GBF1: variants seen among roughly 807,000 people sequenced by gnomAD.
GBF1 encodes the protein Golgi-specific brefeldin A-resistance guanine nucleotide exchange factor 1.
A neutral mutation model predicts 210.5 loss-of-function variants in GBF1; 114 were observed. That is an observed-to-expected ratio of 0.54 (90% CI 0.47 to 0.63). The LOEUF is 0.63. Ranked by LOEUF, GBF1 falls within the 30% of genes least tolerant of loss-of-function variation. The pLI is 0.00. For synonymous variants in GBF1, 850 were observed against 889.2 expected, an observed-to-expected ratio of 0.96 and a Z score of 0.78; for missense variants, 1,851 against 2,357.7, an observed-to-expected ratio of 0.79 and a Z score of 4.45.
intron 3 of GBF1, among the ~76,000 whole-genome samples, chr10:102,304,265 T>G (rs1208536487): frequency 6.6e-6 from 1 of 152,222 alleles, no homozygotes; most frequent in Non-Finnish European, 1.5e-5. Context: ...ACTTGTTTTA[T>G]AGCTAAAGAG....
intron 3 of GBF1, among the ~76,000 whole-genome samples, chr10:102,312,604 A>G (rs113541549): frequency 1.3e-5 from 2 of 152,226 alleles, no homozygotes; most frequent in Non-Finnish European, 2.9e-5. Context: ...GCTGTCGTCT[A>G]TGCAGGTTAA....
chr10:102,259,196 A>T (rs1296486334), intron 2 of GBF1, among the ~76,000 whole-genome samples, 162 bp downstream of exon 2: 1 of 152,190 alleles, frequency 6.6e-6, no homozygotes, highest in Non-Finnish European at 1.5e-5. Flanking sequence ...CATCAGATAT[A>T]TAGGCTATCT....
At chr10:102,353,548 G>A in intron 7 of GBF1, 52 bp from the exon 8 acceptor site, 1 of 1,245,044 alleles carries the variant, frequency 8.0e-7, no homozygotes, top group Non-Finnish European at 1.2e-6. Flanking sequence ...GGCATGGAGG[G>A]AGACATTTGT....
Position 102,366,380 on chromosome 10 carries a change from T to C in GBF1, c.2310-3T>C, listed in dbSNP as rs766816587. 4.0e-5 allele frequency: 65 copies of C among 1,613,890 alleles called. No individual in the cohort carries two copies. Among genetic ancestry groups the C allele is most frequent in the Non-Finnish European group, 5.1e-5 (60 of 1,179,894 alleles). On this transcript the variant is annotated splice_region_variant and splice_polypyrimidine_tract_variant and intron_variant, in intron 18 of 39. Transcript: ENST00000369983. The surrounding 1 kb of genome is among the most constrained non-coding windows in gnomAD (Gnocchi z 4.0). ...AGCCTCTTCTTCCTTTCTTTCCCTA[T>C]AGCACCTTCAGTTTTCAGGGTCTGC...
chr10:102,359,174 G>GA, intron 10 of GBF1, 93 bp from the exon 11 acceptor site: 1 of 869,226 alleles, frequency 1.2e-6, no homozygotes, highest in African/African-American at 1.7e-5. Context: ...TAGCCCATTA[G>GA]AGACAGCTTG....
Position 102,351,897 on chromosome 10 carries a change from G to A in GBF1, c.469G>A (p.Val157Met). ...PVGAHLTNES[V>M]CEIMQSCFRI... ...GGGTGCCCACCTAACCAATGAATCT[G>A]TGTGTGAGATTATGCAGTCTTGCTT... The change falls in exon 6 of 40, where the codon GTG (valine) becomes ATG (methionine). Residue 157 changes from valine (V) to methionine (M), a missense_variant. By Grantham distance (21) the Val-to-Met change is conservative (BLOSUM62 1). Transcript: ENST00000369983. 6.2e-7 allele frequency: 1 copy of A among 1,612,534 alleles called. No homozygotes were observed. Among genetic ancestry groups the A allele is most frequent in the Non-Finnish European group, 8.5e-7 (1 of 1,178,534 alleles).
At position 102,329,052 on chromosome 10, in the gene GBF1, T is replaced by C. The variant is rs529164952; in HGVS notation, c.164-14999T>C. Among the ~76,000 whole-genome samples the C allele has an allele frequency of 2.0e-5, 3 of 152,308 alleles. No individual in the cohort carries two copies. The East Asian group carries it at 5.8e-4, about 29-fold the overall frequency. On this transcript the variant is annotated intron_variant, in intron 3 of 39. Coordinates refer to ENST00000369983, the MANE Select transcript of GBF1 (RefSeq NM_001377137.1). Reference sequence around the variant, plus strand: ...TTGGGGCTTGGTCTTCTACAGTGCATGCAGAAAACAACAAGGCAGAGTGAA... The same window carrying C: ...TTGGGGCTTGGTCTTCTACAGTGCACGCAGAAAACAACAAGGCAGAGTGAA...
intron 3 of GBF1, among the ~76,000 whole-genome samples, chr10:102,273,267 G>A (rs1383664293): frequency 6.6e-6 from 1 of 152,138 alleles, no homozygotes; most frequent in East Asian, 1.9e-4. Context: ...AGGAGGCAGA[G>A]GTTGCAGTGA....
intron 12 of GBF1, 76 bp downstream of exon 12, chr10:102,360,471 G>A (rs747326069): frequency 1.5e-4 from 144 of 984,666 alleles, no homozygotes; most frequent in African/African-American, 2.5e-4. Flanking sequence ...GGCTGATTAC[G>A]CAAAGAGTAT....
intron 3 of GBF1, among the ~76,000 whole-genome samples, chr10:102,265,140 A>C (rs1589417961): frequency 1.3e-5 from 2 of 152,206 alleles, no homozygotes; most frequent in South Asian, 4.1e-4. Context: ...CTTCTAGCCA[A>C]TATGGTCTGT....
In GBF1 at chr10:102,379,349, G is replaced by A. The variant is rs1291945907; in HGVS notation, c.4560G>A (p.Glu1520=). The A allele has an allele frequency of 6.2e-7, 1 of 1,613,946 alleles. No homozygotes were observed. Among genetic ancestry groups the A allele is most frequent in the African/African-American group, 1.3e-5 (1 of 75,026 alleles). The change falls in exon 34 of 40, where the codon GAG becomes GAA. Residue 1520 remains glutamate, a synonymous_variant. Coordinates refer to ENST00000369983, the MANE Select transcript of GBF1 (RefSeq NM_001377137.1). ...CTATCTACAGCTCATGGGCGGAGGAGCAACGCCACCTGGAGACAGGTGGCC... is the reference window on the plus strand; with the variant it reads ...CTATCTACAGCTCATGGGCGGAGGAACAACGCCACCTGGAGACAGGTGGCC... ...AASIYSSWAE[E]QRHLETGGQK... is the part of the protein sequence containing the mutation.
At chr10:102,288,337 T>C (rs576714970) in intron 3 of GBF1, among the ~76,000 whole-genome samples, 15 of 152,286 alleles carry the variant, frequency 9.8e-5, no homozygotes, top group Admixed American at 8.5e-4. Flanking sequence ...TATATAATGA[T>C]ATAATGATAT....
intron 29 of GBF1, among the ~76,000 whole-genome samples, chr10:102,371,758 A>C (rs976841993): frequency 9.2e-5 from 14 of 151,866 alleles, no homozygotes; most frequent in African/African-American, 3.4e-4. Context: ...GTGAAACCCC[A>C]TCTCTACTAA....
chr10:102,352,063 A>G (rs1449682465), intron 6 of GBF1, 112 bp downstream of exon 6: 7 of 708,932 alleles, frequency 9.9e-6, no homozygotes, highest in East Asian at 7.9e-5. Context: ...TCCATCATCT[A>G]TCTCATGCGA....
At chr10:102,266,550 A>G (rs1424627196) in intron 3 of GBF1, among the ~76,000 whole-genome samples, 1 of 152,160 alleles carries the variant, frequency 6.6e-6, no homozygotes, top group Admixed American at 6.5e-5. Flanking sequence ...TGTAGCCTCT[A>G]CTTTATGCTA....
In GBF1 at chr10:102,370,812, G is replaced by A; in HGVS notation, c.3612G>A (p.Leu1204=). The A allele has an allele frequency of 6.2e-7, 1 of 1,614,146 alleles. No homozygotes were observed. Among genetic ancestry groups the A allele is most frequent in the Non-Finnish European group, 8.5e-7 (1 of 1,179,984 alleles). The change falls in exon 29 of 40, where the codon TTG becomes TTA. Residue 1204 remains leucine, a synonymous_variant. Coordinates refer to ENST00000369983, the MANE Select transcript of GBF1 (RefSeq NM_001377137.1). ...TTGTGGAGCGGGCAGTGGTGGGGTT[G>A]CTACGCCTGGCCATTCGGCTTCTCC... ...CFLVERAVVG[L]LRLAIRLLRR... is the part of the protein sequence containing the mutation.
Position 102,293,764 on chromosome 10 carries a change from G to GTTT in GBF1, c.163+33650_163+33652dup, listed in dbSNP as rs1263151407. Among the ~76,000 whole-genome samples, 59 of 50,892 alleles carry GTTT rather than the reference G, an allele frequency of 1.2e-3. 12 individuals carry two copies. Among genetic ancestry groups the GTTT allele is most frequent in the East Asian group, 1.9e-3 (4 of 2,072 alleles). 33.4% of individuals were successfully genotyped at this position (50,892 alleles called of 152,430 possible). ...AAAATATTTTGTACAGCTGTAGTAT[G>GTTT]TTTTGTGTTTTTTTTTTTTTTTTTT... On this transcript the variant is annotated intron_variant, in intron 3 of 39. Coordinates refer to ENST00000369983, the MANE Select transcript of GBF1 (RefSeq NM_001377137.1).
Position 102,380,743 on chromosome 10 carries a change from C to A in GBF1, c.5173+57C>A, listed in dbSNP as rs2060793604. The A allele has an allele frequency of 2.8e-6, 4 of 1,409,844 alleles. No homozygotes were observed. In the East Asian group the frequency reaches 9.1e-5, roughly 32 times the overall value. 87.3% of individuals were successfully genotyped at this position (1,409,844 alleles called of 1,614,324 possible). A position where few individuals can be genotyped will look rare whatever the true frequency, so the allele number is the denominator to read the frequency against. Reference sequence around the variant, plus strand: ...AGTCTCCTGCCTGGGCACAATGGCTCACACCTCTAATCCCAGCACTTTGAG... The same window carrying A: ...AGTCTCCTGCCTGGGCACAATGGCTAACACCTCTAATCCCAGCACTTTGAG... On this transcript the variant is annotated intron_variant, in intron 38 of 39. Transcript: ENST00000369983.
At chr10:102,308,201 T>TAAAAAAAAAAAA (rs11440668) in intron 3 of GBF1, among the ~76,000 whole-genome samples, 1 of 123,448 alleles carries the variant, frequency 8.1e-6, no homozygotes, top group African/African-American at 3.0e-5. Flanking sequence ...TCACAGAAGC[T>TAAAAAAAAAAAA]AAAAAAAAAA....
Sources: gnomAD v4.1 joint callset for allele counts (sites outside exome capture counted in the v4.1 genomes callset) on GRCh38, gnomAD v4.1.1 for gene constraint, Gnocchi (gnomAD v3.1) non-coding constraint, MANE v1.5 for transcripts, NCBI Gene and HGNC (gene_info 2026-07-23, HGNC 2026-07-21) for gene names.